NT5DC1: variants seen among roughly 807,000 people sequenced by gnomAD.
The protein encoded by NT5DC1 is 5'-nucleotidase domain containing 1.
A neutral mutation model predicts 59.4 loss-of-function variants in NT5DC1; 42 were observed. That is an observed-to-expected ratio of 0.71 (90% confidence interval 0.55 to 0.92). NT5DC1 has a LOEUF of 0.92. Among genes scored for constraint, NT5DC1 ranks in the 40% least tolerant of loss-of-function variants. The pLI, the probability that NT5DC1 is intolerant of heterozygous loss-of-function variation, is 0.00. For missense variants in NT5DC1, 501 were observed against 537.1 expected (o/e 0.93, Z 0.66); for synonymous variants, 172 against 188.1 (o/e 0.91, Z 0.70).
At chr6:116,184,560 A>C (rs1780954422) in intron 6 of NT5DC1, among the ~76,000 whole-genome samples, 1 of 151,782 alleles carries the variant, frequency 6.6e-6, no homozygotes, top group East Asian at 1.9e-4. Context: ...TTTCAGTCTC[A>C]CTGCTTGTTA....
At chr6:116,240,568 G>C (rs1364904579) in intron 11 of NT5DC1, among the ~76,000 whole-genome samples, 1 of 151,608 alleles carries the variant, frequency 6.6e-6, no homozygotes, top group African/African-American at 2.4e-5. Context: ...AGTGAGATGA[G>C]AGAAAATGAT....
intron 6 of NT5DC1, among the ~76,000 whole-genome samples, chr6:116,194,814 G>GA (rs1781191468): frequency 6.6e-6 from 1 of 152,094 alleles, no homozygotes; most frequent in East Asian, 1.9e-4. Flanking sequence ...TATGGAGCTA[G>GA]AACCTATTCT....
chr6:116,109,605 T>A (rs968149701), intron 3 of NT5DC1, among the ~76,000 whole-genome samples: 2 of 152,218 alleles, frequency 1.3e-5, no homozygotes, highest in African/African-American at 4.8e-5. Flanking sequence ...CTCCTGAATT[T>A]ATTAGCATAC....
rs147488518 is a variant in NT5DC1, at chr6:116,120,295, C to A, written c.529+2350C>A. 2.2e-5 allele frequency: 35 copies of A among 1,614,188 alleles called. No individual in the cohort carries two copies. In the East Asian group the frequency reaches 7.8e-4, roughly 36 times the overall value. On this transcript the variant is annotated intron_variant, in intron 6 of 11. Transcript: ENST00000319550. ...TATACAGGCCTACCCAAACATGAGT[C>A]CCTTTCACATGCACGTGGTATGAAA...
intron 6 of NT5DC1, among the ~76,000 whole-genome samples, chr6:116,163,141 A>AAAAATAT (rs761718922): frequency 0.016 from 1,387 of 88,172 alleles, 30 homozygotes; most frequent in Middle Eastern, 0.022. Flanking sequence ...AAAAAAAAAA[A>AAAAATAT]ATATATATAT....
intron 6 of NT5DC1, among the ~76,000 whole-genome samples, chr6:116,178,700 AAT>A (rs1780806470): frequency 6.6e-6 from 1 of 152,202 alleles, no homozygotes; most frequent in South Asian, 2.1e-4. Flanking sequence ...TACTTCCAGA[AAT>A]ATAGAGCAGT....
Position 116,185,986 on chromosome 6 carries a change from A to G in NT5DC1, c.530-35068A>G, listed in dbSNP as rs188476786. 1.2e-4 allele frequency among the ~76,000 whole-genome samples: 18 copies of G among 151,946 alleles called. No homozygotes were observed. The East Asian group carries it at 3.3e-3, about 28-fold the overall frequency. On this transcript the variant is annotated intron_variant, in intron 6 of 11. Coordinates refer to ENST00000319550, the MANE Select transcript of NT5DC1 (RefSeq NM_152729.3). ...ATCCTGTGAGATTTATGCTTTAAGG[A>G]GGTTCTATTTTGGTGTATTTCAAGG...
At chr6:116,187,472 T>C (rs953851045) in intron 6 of NT5DC1, among the ~76,000 whole-genome samples, 6 of 152,130 alleles carry the variant, frequency 3.9e-5, no homozygotes, top group African/African-American at 1.4e-4. Context: ...TCATGGCTTA[T>C]TTTAAAGTTA....
At chr6:116,209,853 A>G (rs1450277466) in intron 6 of NT5DC1, among the ~76,000 whole-genome samples, 2 of 152,016 alleles carry the variant, frequency 1.3e-5, no homozygotes, top group Non-Finnish European at 2.9e-5. Context: ...CATACCATTT[A>G]AAGCATTTGA....
chr6:116,134,923 T>C (rs1001664649), intron 6 of NT5DC1, among the ~76,000 whole-genome samples: 8 of 152,172 alleles, frequency 5.3e-5, no homozygotes, highest in African/African-American at 1.9e-4. Flanking sequence ...GAGCCCAGAA[T>C]CTTGGGAGTT....
intron 6 of NT5DC1, among the ~76,000 whole-genome samples, chr6:116,169,198 C>A (rs1046205229): frequency 7.2e-5 from 11 of 152,180 alleles, no homozygotes; most frequent in African/African-American, 2.2e-4. Flanking sequence ...TCAACTTGAC[C>A]TCTTAAATCT....
At chr6:116,119,757 AT>A (rs530914126) in intron 6 of NT5DC1, 450 of 219,326 alleles carry the variant, frequency 2.1e-3, no homozygotes, top group South Asian at 3.8e-3. Flanking sequence ...TTTTTTTTTA[AT>A]TTTTTTTTTG....
intron 6 of NT5DC1, among the ~76,000 whole-genome samples, chr6:116,199,988 A>C (rs968666752): frequency 9.9e-6 from 1 of 100,910 alleles, no homozygotes; most frequent in African/African-American, 5.6e-5. Context: ...CAAAGAGTAC[A>C]GTATGGAAAG....
chr6:116,219,132 T>C (rs2114537949), intron 6 of NT5DC1, among the ~76,000 whole-genome samples: 1 of 152,264 alleles, frequency 6.6e-6, no homozygotes, highest in East Asian at 1.9e-4. Context: ...CACTCCAGTC[T>C]GGCCAACAGA....
chr6:116,127,039 T>A (rs943195202), intron 6 of NT5DC1, among the ~76,000 whole-genome samples: 17 of 152,166 alleles, frequency 1.1e-4, no homozygotes, highest in Admixed American at 7.9e-4. Context: ...AAGTTGAGAG[T>A]CCAAATTTTT....
intron 6 of NT5DC1, among the ~76,000 whole-genome samples, chr6:116,130,966 A>G (rs1261257568): frequency 6.6e-6 from 1 of 152,210 alleles, no homozygotes; most frequent in Non-Finnish European, 1.5e-5. Context: ...GTCACATGAC[A>G]CAGTTGATTC....
intron 6 of NT5DC1, among the ~76,000 whole-genome samples, chr6:116,150,138 C>G (rs1341469590): frequency 6.6e-6 from 1 of 152,030 alleles, no homozygotes; most frequent in Non-Finnish European, 1.5e-5. Flanking sequence ...AATGAGAGGC[C>G]AAGTCTTGAA....
chr6:116,248,088 G>A lies in NT5DC1; in HGVS notation c.*4064G>A, dbSNP rs1771883581. On this transcript the variant is annotated 3_prime_UTR_variant, in exon 12 of 12. Transcript: ENST00000319550. ...ATGAATAAGCATAACCTTCAACTGA[G>A]GCCTGAATAGTCATGTGTCAGTAGG... 6.6e-6 allele frequency: 1 copy of A among 152,148 alleles called. No individual in the cohort carries two copies. The highest frequency in any genetic ancestry group is 1.5e-5 in the Non-Finnish European group (1 of 68,028). The allele number at this position is 152,148 out of a possible 1,614,324, so 9.4% of individuals were successfully genotyped here.
intron 6 of NT5DC1, among the ~76,000 whole-genome samples, chr6:116,153,851 A>G (rs1176796312): frequency 1.3e-5 from 2 of 152,104 alleles, no homozygotes; most frequent in Admixed American, 6.6e-5. Flanking sequence ...TTTATTGAAG[A>G]TACATGTACA....
Sources: allele counts gnomAD v4.1 joint callset (sites outside exome capture counted in the v4.1 genomes callset), GRCh38; gene constraint gnomAD v4.1.1; transcripts MANE v1.5; gene names NCBI Gene and HGNC (gene_info 2026-07-23, HGNC 2026-07-21).